B3GALT1: variants seen among roughly 807,000 people sequenced by gnomAD.
B3GALT1 encodes the protein beta-1,3-galactosyltransferase 1, also known as UDP-Gal:betaGlcNAc beta 1,3-galactosyltransferase, polypeptide 1.
Under a neutral mutation model 23.2 loss-of-function variants are expected in B3GALT1, and 10 were observed. The ratio of observed to expected loss-of-function variants is 0.43; its 90% CI spans 0.27 to 0.73. B3GALT1 has a LOEUF of 0.73. Ranked by LOEUF, B3GALT1 falls within the 30% of genes least tolerant of loss-of-function variation. The pLI is 0.21. For synonymous variants in B3GALT1, 156 were observed against 141.5 expected, an observed-to-expected ratio of 1.10 and a Z score of -0.73; for missense variants, 299 against 405.4, an observed-to-expected ratio of 0.74 and a Z score of 2.25.
chr2:167,431,785 A>G (rs1473379355), intron 1 of B3GALT1, among the ~76,000 whole-genome samples: 1 of 152,202 alleles, frequency 6.6e-6, no homozygotes, highest in Non-Finnish European at 1.5e-5. Context: ...AAATTTGGTC[A>G]GTTTTCTAGG....
At chr2:167,841,675 G>T (rs1472637105) in intron 4 of B3GALT1, among the ~76,000 whole-genome samples, 3 of 152,172 alleles carry the variant, frequency 2.0e-5, no homozygotes, top group African/African-American at 7.2e-5. Flanking sequence ...CACGTTCCAG[G>T]CTGTTTTGTT....
chr2:167,708,447 T>G (rs6724753), intron 3 of B3GALT1, among the ~76,000 whole-genome samples: 64,452 of 152,000 alleles, frequency 0.42, 15,465 homozygotes, highest in Non-Finnish European at 0.55. Flanking sequence ...GATCACCTGC[T>G]GTCGGGAGTT....
chr2:167,739,441 A>G (rs867162964), intron 3 of B3GALT1, among the ~76,000 whole-genome samples: 2 of 152,226 alleles, frequency 1.3e-5, no homozygotes, highest in African/African-American at 4.8e-5. Flanking sequence ...GCCAAGGTCA[A>G]AGATTCTTCC....
intron 2 of B3GALT1, among the ~76,000 whole-genome samples, chr2:167,532,676 G>A (rs1311834430): frequency 1.3e-5 from 2 of 151,788 alleles, no homozygotes; most frequent in Non-Finnish European, 2.9e-5. Flanking sequence ...TATGCATGTT[G>A]AGTGCTTATT....
At chr2:167,677,320 A>G (rs558501779) in intron 3 of B3GALT1, among the ~76,000 whole-genome samples, 72 of 152,368 alleles carry the variant, frequency 4.7e-4, no homozygotes, top group African/African-American at 1.6e-3. Context: ...AATATACACA[A>G]TAAGACTTAA....
At chr2:167,857,661 C>G (rs1332644599) in intron 4 of B3GALT1, among the ~76,000 whole-genome samples, 3 of 151,910 alleles carry the variant, frequency 2.0e-5, no homozygotes, top group Non-Finnish European at 4.4e-5. Flanking sequence ...GGGAACAAAA[C>G]AAAACACAGC....
chr2:167,757,691 A>G (rs1687839455), intron 3 of B3GALT1, among the ~76,000 whole-genome samples: 1 of 152,150 alleles, frequency 6.6e-6, no homozygotes, highest in Non-Finnish European at 1.5e-5. Context: ...TCTAGGTCAT[A>G]TATGTATATA....
chr2:167,473,747 G>T (rs373831189), intron 1 of B3GALT1, among the ~76,000 whole-genome samples: 36 of 152,096 alleles, frequency 2.4e-4, no homozygotes, highest in African/African-American at 8.2e-4. Flanking sequence ...GGTTAATTTA[G>T]GAGGACAAAT....
At chr2:167,703,343 C>T (rs1352851492) in intron 3 of B3GALT1, among the ~76,000 whole-genome samples, 2 of 152,138 alleles carry the variant, frequency 1.3e-5, no homozygotes. Flanking sequence ...AGAAGGTATG[C>T]AAGTGGCTGG....
chr2:167,565,116 G>T (rs911527711), intron 2 of B3GALT1, among the ~76,000 whole-genome samples: 3 of 152,106 alleles, frequency 2.0e-5, no homozygotes, highest in African/African-American at 7.2e-5. Flanking sequence ...ATACTACAAG[G>T]CTACAGTAAC....
chr2:167,728,511 G>A (rs1405737625), intron 3 of B3GALT1, among the ~76,000 whole-genome samples: 2 of 152,148 alleles, frequency 1.3e-5, no homozygotes, highest in Non-Finnish European at 2.9e-5. Flanking sequence ...AAATAACTGA[G>A]GTGAGACACA....
intron 1 of B3GALT1, among the ~76,000 whole-genome samples, chr2:167,323,106 T>TCAAG (rs3061480): frequency 6.6e-6 from 1 of 151,814 alleles, no homozygotes; most frequent in East Asian, 1.9e-4. Context: ...TTATGATTGC[T>TCAAG]CATTCGTTGC....
At chr2:167,427,002 A>G (rs1471285082) in intron 1 of B3GALT1, among the ~76,000 whole-genome samples, 1 of 152,234 alleles carries the variant, frequency 6.6e-6, no homozygotes, top group Non-Finnish European at 1.5e-5. Context: ...GTGGTATGTC[A>G]TAGAGTAGAA....
chr2:167,798,298 A>G (rs1305859390), intron 3 of B3GALT1, among the ~76,000 whole-genome samples: 1 of 152,082 alleles, frequency 6.6e-6, no homozygotes, highest in East Asian at 1.9e-4. Flanking sequence ...ATTAAATCCC[A>G]TTTGTCATTT....
At chr2:167,361,098 C>A (rs892663372) in intron 1 of B3GALT1, among the ~76,000 whole-genome samples, 2 of 152,110 alleles carry the variant, frequency 1.3e-5, no homozygotes, top group South Asian at 2.1e-4. Flanking sequence ...TTTTCTTTAT[C>A]CATTCATCCA....
intron 3 of B3GALT1, among the ~76,000 whole-genome samples, chr2:167,797,664 G>A (rs1449152119): frequency 2.6e-5 from 4 of 151,070 alleles, no homozygotes; most frequent in Non-Finnish European, 4.4e-5. Context: ...TTTAATAGTC[G>A]CCATTCTGAC....
intron 1 of B3GALT1, among the ~76,000 whole-genome samples, chr2:167,480,754 A>G (rs1699554024): frequency 6.6e-6 from 1 of 152,168 alleles, no homozygotes; most frequent in African/African-American, 2.4e-5. Context: ...CAAGTTTCAG[A>G]GTTCACTGGG....
At chr2:167,651,839 A>C (rs1263229184) in intron 3 of B3GALT1, among the ~76,000 whole-genome samples, 1 of 152,164 alleles carries the variant, frequency 6.6e-6, no homozygotes, top group African/African-American at 2.4e-5. Flanking sequence ...CCTGGGAAAC[A>C]TTTAATGGTG....
At chr2:167,807,027 C>T (rs1220556097) in intron 3 of B3GALT1, among the ~76,000 whole-genome samples, 1 of 152,104 alleles carries the variant, frequency 6.6e-6, no homozygotes, top group African/African-American at 2.4e-5. Flanking sequence ...TCAACTTCTT[C>T]CTGGTTTAGT....
Sources: allele counts gnomAD v4.1 joint callset (sites outside exome capture counted in the v4.1 genomes callset), GRCh38; gene constraint gnomAD v4.1.1; transcripts MANE v1.5; gene names NCBI Gene and HGNC (gene_info 2026-07-23, HGNC 2026-07-21).